TIE1: variants seen among roughly 807,000 people sequenced by gnomAD.
TIE1 encodes tyrosine kinase with immunoglobulin like and EGF like domains 1, also known as tyrosine-protein kinase receptor Tie-1.
Under a neutral mutation model 130.5 loss-of-function variants are expected in TIE1, and 89 were observed. The ratio of observed to expected loss-of-function variants is 0.68; its 90% CI spans 0.57 to 0.81. TIE1 has a LOEUF of 0.81. Among genes scored for constraint, TIE1 ranks in the 40% least tolerant of loss-of-function variants. The pLI, the probability that TIE1 is intolerant of heterozygous loss-of-function variation, is 0.00. For synonymous variants in TIE1, 568 were observed against 629.4 expected, an observed-to-expected ratio of 0.90 and a Z score of 1.46; for missense variants, 1,392 against 1,559.8, an observed-to-expected ratio of 0.89 and a Z score of 1.81.
At position 43,319,233 on chromosome 1, in the gene TIE1, A is replaced by C. The variant is rs1646889862; in HGVS notation, c.2923-2A>C. ...TCTCCTGACTTCTGACCCTGCCTAC[A>C]GTTCATCCACAGGGACCTGGCTGCC... is the stretch of plus-strand genomic sequence containing the variant. On this transcript the variant is annotated splice_acceptor_variant, in intron 17 of 22. Transcript: ENST00000372476. LOFTEE classifies it high-confidence loss of function. This position sits in a 1 kb window ranked among gnomAD's most constrained non-coding sequence, Gnocchi z 4.7. 2 of 1,612,218 alleles carry C rather than the reference A, an allele frequency of 1.2e-6. No homozygotes were observed. Among genetic ancestry groups the C allele is most frequent in the Non-Finnish European group, 1.7e-6 (2 of 1,178,394 alleles).
chr1:43,321,385 C>A lies in TIE1; in HGVS notation c.3149-11C>A. On this transcript the variant is annotated splice_polypyrimidine_tract_variant and intron_variant, in intron 20 of 22. Coordinates refer to ENST00000372476, the MANE Select transcript of TIE1 (RefSeq NM_005424.5). ...AGCCCTGGACCGAGAGCACTTTGTC[C>A]CCTCCTGCAGGAGGTACACCCTACT... The A allele has an allele frequency of 1.9e-6, 3 of 1,613,888 alleles. No individual in the cohort carries two copies. Among genetic ancestry groups the A allele is most frequent in the Non-Finnish European group, 2.5e-6 (3 of 1,179,856 alleles).
Position 43,307,502 on chromosome 1 carries a change from C to T in TIE1, c.843C>T (p.Leu281=). 1 of 1,614,202 alleles carries T rather than the reference C, an allele frequency of 6.2e-7. No homozygotes were observed. The change falls in exon 6 of 23, where the codon CTC becomes CTT. Residue 281 remains leucine (L), a synonymous_variant. Transcript: ENST00000372476. The surrounding 1 kb of genome is among the most constrained non-coding windows in gnomAD (Gnocchi z 5.4). ...QCPGISGCRG[L]TFCLPDPYGC... ...CAGGCATATCAGGCTGCCGGGGCCT[C>T]ACCTTCTGCCTCCCAGACCCCTATG... is the stretch of plus-strand genomic sequence containing the variant.
At chr1:43,311,608 C>T in intron 9 of TIE1, 63 bp from the exon 10 acceptor site, 9 of 1,542,778 alleles carry the variant, frequency 5.8e-6, no homozygotes, top group Non-Finnish European at 7.9e-6. Context: ...CAGCTTGAAA[C>T]AAAGATGCAG....
At position 43,301,027 on chromosome 1, in the gene TIE1, C is replaced by A; in HGVS notation, c.-45C>A. Reference sequence around the variant, plus strand: ...AGCAGTCAGGCCCACAGCATCTGACCCCAGGCCCAGCTCGTCCTGGCTGGC... The same window carrying A: ...AGCAGTCAGGCCCACAGCATCTGACACCAGGCCCAGCTCGTCCTGGCTGGC... On this transcript the variant is annotated 5_prime_UTR_variant, in exon 1 of 23. Transcript: ENST00000372476. The A allele has an allele frequency of 6.2e-7, 1 of 1,609,922 alleles. No homozygotes were observed. Among genetic ancestry groups the A allele is most frequent in the Non-Finnish European group, 8.5e-7 (1 of 1,177,050 alleles).
At position 43,313,732 on chromosome 1, in the gene TIE1, C is replaced by T; in HGVS notation, c.2219-46C>T. The T allele has an allele frequency of 1.3e-6, 2 of 1,562,078 alleles. No individual in the cohort carries two copies. Among genetic ancestry groups the T allele is most frequent in the Non-Finnish European group, 1.7e-6 (2 of 1,151,782 alleles). On this transcript the variant is annotated intron_variant, in intron 13 of 22. Transcript: ENST00000372476. This position sits in a 1 kb window ranked among gnomAD's most constrained non-coding sequence, Gnocchi z 6.2. Reference sequence around the variant, plus strand: ...GTAACCCCATGGTGGCCTCTGGGTTCCCTGACCCAGGTGTCCCCACAATCT... The same window carrying T: ...GTAACCCCATGGTGGCCTCTGGGTTTCCTGACCCAGGTGTCCCCACAATCT...
At chr1:43,304,014 T>A (rs2153910076) in intron 1 of TIE1, among the ~76,000 whole-genome samples, 1 of 152,368 alleles carries the variant, frequency 6.6e-6, no homozygotes. Flanking sequence ...ACCTACCTCG[T>A]GTCTGTGTCT....
At chr1:43,310,914 T>C (rs577323898) in intron 9 of TIE1, among the ~76,000 whole-genome samples, 6 of 152,176 alleles carry the variant, frequency 3.9e-5, no homozygotes, top group Admixed American at 1.3e-4. Context: ...TTCCTTCCTT[T>C]CCTCTCAAAA....
At position 43,313,080 on chromosome 1, in the gene TIE1, A is replaced by C; in HGVS notation, c.1928-55A>C. 6.5e-7 allele frequency: 1 copy of C among 1,547,204 alleles called. No homozygotes were observed. The highest frequency in any genetic ancestry group is 8.7e-7 in the Non-Finnish European group (1 of 1,145,480). Reference sequence around the variant, plus strand: ...AGCTAGAGCAGATGTGTCCAGCCCCACAGCTACATAGCCCGGTCCTATCTG... The same window carrying C: ...AGCTAGAGCAGATGTGTCCAGCCCCCCAGCTACATAGCCCGGTCCTATCTG... On this transcript the variant is annotated intron_variant, in intron 12 of 22. Coordinates refer to ENST00000372476, the MANE Select transcript of TIE1 (RefSeq NM_005424.5). The surrounding 1 kb of genome is among the most constrained non-coding windows in gnomAD (Gnocchi z 6.2).
At chr1:43,308,889 A>C (rs1363730063) in intron 7 of TIE1, 97 bp from the exon 8 acceptor site, 1 of 1,538,406 alleles carries the variant, frequency 6.5e-7, no homozygotes, top group South Asian at 1.1e-5. Context: ...GACTGGGTAG[A>C]TACCTCCACT....
At chr1:43,321,766 A>T in intron 22 of TIE1, 51 bp downstream of exon 22, 1 of 1,524,518 alleles carries the variant, frequency 6.6e-7, no homozygotes, top group South Asian at 1.2e-5. Context: ...AGTGCTCCAG[A>T]GTGCCCTCTC....
intron 1 of TIE1, among the ~76,000 whole-genome samples, chr1:43,303,331 C>T (rs1311292402): frequency 6.6e-6 from 1 of 151,998 alleles, no homozygotes; most frequent in Non-Finnish European, 1.5e-5. Context: ...GGGGAGTGGG[C>T]GAGCTTGCTC....
chr1:43,317,817 G>T lies in TIE1; in HGVS notation c.2732-65G>T. 1 of 1,570,224 alleles carries T rather than the reference G, an allele frequency of 6.4e-7. No individual in the cohort carries two copies. The highest frequency in any genetic ancestry group is 8.7e-7 in the Non-Finnish European group (1 of 1,144,810). ...CCTTCATCCCTGTCTGTTACCATCGGGTGCCTGCTCCCACCCTAGGTTGCC... is the reference window on the plus strand; with the variant it reads ...CCTTCATCCCTGTCTGTTACCATCGTGTGCCTGCTCCCACCCTAGGTTGCC... On this transcript the variant is annotated intron_variant, in intron 16 of 22. Coordinates refer to ENST00000372476, the MANE Select transcript of TIE1 (RefSeq NM_005424.5). This position sits in a 1 kb window ranked among gnomAD's most constrained non-coding sequence, Gnocchi z 5.1.
rs1387238958 is a variant in TIE1, at chr1:43,312,314, T to C, written c.1640T>C (p.Leu547Ser). The C allele has an allele frequency of 6.5e-7, 1 of 1,549,578 alleles. No individual in the cohort carries two copies. Among genetic ancestry groups the C allele is most frequent in the African/African-American group, 1.4e-5 (1 of 73,686 alleles). Residue 547 changes from leucine to serine, a missense_variant, in exon 12 of 23, where the codon TTG becomes TCG. Coordinates refer to ENST00000372476, the MANE Select transcript of TIE1 (RefSeq NM_005424.5). This position sits in a 1 kb window ranked among gnomAD's most constrained non-coding sequence, Gnocchi z 5.6. ...LMTTDCPEPL[L>S]QPWLEGWHVE... ...TGACCTCTGGCCCCAGAGCCTTTGT[T>C]GCAGCCGTGGTTGGAGGGCTGGCAT...
chr1:43,322,717 G>T lies in TIE1; in HGVS notation c.3412G>T (p.Ala1138Ser). The change falls in exon 23 of 23, where the codon GCC becomes TCC. Residue 1138 changes from alanine (A) to serine (S), a missense_variant. Transcript: ENST00000372476. The surrounding 1 kb of genome is among the most constrained non-coding windows in gnomAD (Gnocchi z 4.0). ...YAGIDATAEEA is the reference protein window; with the variant it reads ...YAGIDATAEES Reference sequence around the variant, plus strand: ...GGGCATTGATGCCACAGCTGAGGAGGCCTGAGCTGCCATCCAGCCAGAACG... The same window carrying T: ...GGGCATTGATGCCACAGCTGAGGAGTCCTGAGCTGCCATCCAGCCAGAACG... 6.2e-7 allele frequency: 1 copy of T among 1,613,632 alleles called. No homozygotes were observed. Among genetic ancestry groups the T allele is most frequent in the Non-Finnish European group, 8.5e-7 (1 of 1,179,956 alleles).
In TIE1 at chr1:43,313,979, C is replaced by T. The variant is rs757388762; in HGVS notation, c.2409+11C>T. The T allele has an allele frequency of 1.4e-5, 23 of 1,613,868 alleles. No individual in the cohort carries two copies. Among genetic ancestry groups the T allele is most frequent in the African/African-American group, 4.0e-5 (3 of 74,916 alleles). On this transcript the variant is annotated intron_variant, in intron 14 of 22. Transcript: ENST00000372476. The surrounding 1 kb of genome is among the most constrained non-coding windows in gnomAD (Gnocchi z 6.2). Reference sequence around the variant, plus strand: ...TACCAGTCAGGCTCGGTCAGTGACCCGCCCCGCCCCTGGGTGCATGCTTGC... The same window carrying T: ...TACCAGTCAGGCTCGGTCAGTGACCTGCCCCGCCCCTGGGTGCATGCTTGC...
intron 9 of TIE1, among the ~76,000 whole-genome samples, chr1:43,310,868 G>A (rs575020371): frequency 5.9e-5 from 9 of 152,180 alleles, no homozygotes; most frequent in Admixed American, 1.3e-4. Flanking sequence ...CTTACAGCGC[G>A]GCATCCTTTT....
In TIE1 at chr1:43,307,180, G is replaced by A; in HGVS notation, c.679G>A (p.Glu227Lys). ...AGRWGPGCTK[E>K]CPGCLHGGVC... ...GCGCTGGGGGCCAGGCTGTACCAAG[G>A]AGTGCCCAGGTTGCCTACATGGAGG... The change falls in exon 5 of 23, where the codon GAG becomes AAG. Residue 227 changes from glutamate (E) to lysine (K), a missense_variant. Around this residue, in one of 6 missense-constraint regions of TIE1, gnomAD observed 415 missense variants for 424.8 expected, o/e 0.98. Coordinates refer to ENST00000372476, the MANE Select transcript of TIE1 (RefSeq NM_005424.5). The surrounding 1 kb of genome is among the most constrained non-coding windows in gnomAD (Gnocchi z 5.4). 6.8e-6 allele frequency: 11 copies of A among 1,614,146 alleles called. No homozygotes were observed. Among genetic ancestry groups the A allele is most frequent in the Non-Finnish European group, 8.5e-6 (10 of 1,180,000 alleles).
chr1:43,317,493 T>C lies in TIE1; in HGVS notation c.2621-71T>C. 5.0e-6 allele frequency: 8 copies of C among 1,608,898 alleles called. No homozygotes were observed. Among genetic ancestry groups the C allele is most frequent in the Non-Finnish European group, 6.8e-6 (8 of 1,175,286 alleles). On this transcript the variant is annotated intron_variant, in intron 15 of 22. Coordinates refer to ENST00000372476, the MANE Select transcript of TIE1 (RefSeq NM_005424.5). The surrounding 1 kb of genome is among the most constrained non-coding windows in gnomAD (Gnocchi z 5.1). ...GGCCCCACCTGGCTTCCTCCAGCAA[T>C]TGACCCCAGCCCTTGCCAGCCCTTT... is the stretch of plus-strand genomic sequence containing the variant.
rs1646932546 is a variant in TIE1, at chr1:43,322,814, A to G, written c.*92A>G. The G allele has an allele frequency of 3.2e-6, 4 of 1,243,198 alleles. No homozygotes were observed. Among genetic ancestry groups the G allele is most frequent in the Admixed American group, 4.1e-5 (2 of 48,438 alleles). 77.0% of individuals were successfully genotyped at this position (1,243,198 alleles called of 1,614,324 possible). ...TCTGACCCTTACAGCCTCTGACTTA[A>G]GCTGCCTCAAGGAATTTTTTTAACT... is the stretch of plus-strand genomic sequence containing the variant. On this transcript the variant is annotated 3_prime_UTR_variant, in exon 23 of 23. Coordinates refer to ENST00000372476, the MANE Select transcript of TIE1 (RefSeq NM_005424.5). The surrounding 1 kb of genome is among the most constrained non-coding windows in gnomAD (Gnocchi z 4.0).
Sources: gnomAD v4.1 joint callset for allele counts (sites outside exome capture counted in the v4.1 genomes callset) on GRCh38, gnomAD v4.1.1 for gene constraint, gnomAD v4.1.1 regional missense constraint, Gnocchi (gnomAD v3.1) non-coding constraint, MANE v1.5 for transcripts, NCBI Gene and HGNC (gene_info 2026-07-23, HGNC 2026-07-21) for gene names.